CSMD1: variants seen among roughly 807,000 people sequenced by gnomAD.
CSMD1 encodes the protein CUB and sushi domain-containing protein 1.
Under a neutral mutation model 417.5 loss-of-function variants are expected in CSMD1, and 213 were observed. That is an observed-to-expected ratio of 0.51 (90% CI 0.46 to 0.57). The LOEUF is 0.57. Ranked by LOEUF, CSMD1 falls within the 20% of genes least tolerant of loss-of-function variation. The probability of loss-of-function intolerance (pLI) is 0.00; values close to 1 mark genes in which losing one functional copy is unlikely to be tolerated. For synonymous variants in CSMD1, 2,862 were observed against 1,736.8 expected (o/e 1.65, Z -16.11); for missense variants, 6,923 against 4,529.7 (o/e 1.53, Z -15.17).
intron 3 of CSMD1, among the ~76,000 whole-genome samples, chr8:4,350,175 C>G (rs1418705382): frequency 1.3e-5 from 2 of 152,076 alleles, no homozygotes; most frequent in African/African-American, 2.4e-5. Flanking sequence ...TGTTACAAGC[C>G]TTCTCTTCTT....
chr8:4,420,005 C>T lies in CSMD1; in HGVS notation c.363G>A (p.Trp121Ter). The stretch of plus-strand genomic sequence containing the variant: ...CACTCACAGCGAAGTCTGTCGTGAA[C>T]CACAGAGTGAGGATAGATCCTGTAC... ...IVSTGSILTL[W>*]FTTDFAVSAQ... Residue 121 changes from tryptophan (W) to a stop codon, truncating the protein, a stop_gained, in exon 3 of 70, where the codon TGG becomes TGA. Transcript: ENST00000635120. LOFTEE classifies it high-confidence loss of function. 1.3e-6 allele frequency: 2 copies of T among 1,589,010 alleles called. No homozygotes were observed. Among genetic ancestry groups the T allele is most frequent in the Non-Finnish European group, 8.6e-7 (1 of 1,166,706 alleles).
intron 5 of CSMD1, 26 bp from the exon 6 acceptor site, chr8:3,754,068 T>C (rs755530438): frequency 2.0e-6 from 3 of 1,518,590 alleles, no homozygotes; most frequent in Non-Finnish European, 2.7e-6. Context: ...AGGAAAAAAA[T>C]CTCCCTTGTA....
intron 3 of CSMD1, among the ~76,000 whole-genome samples, chr8:4,240,788 C>G (rs912336989): frequency 6.6e-6 from 1 of 152,170 alleles, no homozygotes; most frequent in Non-Finnish European, 1.5e-5. Context: ...AAAGTGACAG[C>G]CAAAAATATC....
At chr8:3,942,055 T>C (rs545531163) in intron 5 of CSMD1, among the ~76,000 whole-genome samples, 9 of 151,966 alleles carry the variant, frequency 5.9e-5, no homozygotes, top group Admixed American at 3.3e-4. Context: ...CTATTGTGAA[T>C]TGGGCATGCA....
chr8:4,143,956 G>A lies in CSMD1; in HGVS notation c.416-111857C>T, dbSNP rs1030280174. ...GCAGATGAAGGGATGGCCAGTGCTT[G>A]GCCCATAGCCAATCCAAGGCACTCT... On this transcript the variant is annotated intron_variant, in intron 3 of 69. Coordinates refer to ENST00000635120, the MANE Select transcript of CSMD1 (RefSeq NM_033225.6). 8.6e-5 allele frequency among the ~76,000 whole-genome samples: 13 copies of A among 151,284 alleles called. 1 individual carries two copies. The highest frequency in any genetic ancestry group is 3.2e-4 in the African/African-American group (13 of 40,594).
intron 1 of CSMD1, among the ~76,000 whole-genome samples, chr8:4,876,483 T>G (rs1479539730): frequency 6.6e-6 from 1 of 152,136 alleles, no homozygotes; most frequent in Non-Finnish European, 1.5e-5. Context: ...ACTTAGTTAT[T>G]GGAATTAGAT....
chr8:4,116,851 G>C (rs1011355079), intron 3 of CSMD1, among the ~76,000 whole-genome samples: 2 of 151,842 alleles, frequency 1.3e-5, no homozygotes, highest in African/African-American at 4.8e-5. Context: ...AAAGCACCTG[G>C]CATTTACTGT....
At chr8:3,578,065 T>C (rs1397689937) in intron 9 of CSMD1, among the ~76,000 whole-genome samples, 2 of 152,184 alleles carry the variant, frequency 1.3e-5, no homozygotes, top group Non-Finnish European at 2.9e-5. Context: ...TACATTAATT[T>C]CTCTGAATTT....
At chr8:4,153,956 A>G (rs1245703003) in intron 3 of CSMD1, among the ~76,000 whole-genome samples, 1 of 152,222 alleles carries the variant, frequency 6.6e-6, no homozygotes, top group East Asian at 1.9e-4. Context: ...TGTTTTCTGC[A>G]TTACTGACAG....
intron 37 of CSMD1, among the ~76,000 whole-genome samples, chr8:3,170,685 C>G (rs1032966176): frequency 6.6e-6 from 1 of 152,264 alleles, no homozygotes; most frequent in Middle Eastern, 3.4e-3. Flanking sequence ...TCATGCACAA[C>G]TGTAGGAAAT....
chr8:3,629,182 G>C lies in CSMD1; in HGVS notation c.1010-12385C>G, dbSNP rs549638554. 2.6e-5 allele frequency among the ~76,000 whole-genome samples: 4 copies of C among 152,258 alleles called. No individual in the cohort carries two copies. The East Asian group carries it at 5.8e-4, about 22-fold the overall frequency. On this transcript the variant is annotated intron_variant, in intron 7 of 69. Transcript: ENST00000635120. ...ATGTTCGCAGGACGCAGGGGAACTTGCTTGTAAAGGGGAACAGCTTCAACT... is the reference window on the plus strand; with the variant it reads ...ATGTTCGCAGGACGCAGGGGAACTTCCTTGTAAAGGGGAACAGCTTCAACT...
At chr8:3,752,699 A>C (rs1446039229) in intron 6 of CSMD1, among the ~76,000 whole-genome samples, 3 of 118,162 alleles carry the variant, frequency 2.5e-5, no homozygotes, top group Non-Finnish European at 5.4e-5. Context: ...AAAAAAAAAA[A>C]AAAAACATAT....
chr8:4,419,027 C>G (rs931181367), intron 3 of CSMD1, among the ~76,000 whole-genome samples: 2 of 152,172 alleles, frequency 1.3e-5, no homozygotes, highest in African/African-American at 2.4e-5. Context: ...TTGCACAAAC[C>G]ACGTGTATAT....
At chr8:4,902,261 C>G (rs1178791863) in intron 1 of CSMD1, among the ~76,000 whole-genome samples, 2 of 147,638 alleles carry the variant, frequency 1.4e-5, no homozygotes, top group Non-Finnish European at 1.5e-5. Flanking sequence ...GACAAAACAT[C>G]TCGCTCTATC....
At chr8:4,992,099 G>A (rs913386435) in intron 1 of CSMD1, among the ~76,000 whole-genome samples, 9 of 152,214 alleles carry the variant, frequency 5.9e-5, no homozygotes, top group African/African-American at 1.7e-4. Context: ...CAGCGCGCAA[G>A]AGGAGCTCTC....
chr8:3,342,614 T>C (rs994028832), intron 23 of CSMD1, among the ~76,000 whole-genome samples: 3 of 152,190 alleles, frequency 2.0e-5, no homozygotes, highest in African/African-American at 7.2e-5. Context: ...TCTCTTTTAT[T>C]TCCCTGTTCT....
intron 3 of CSMD1, among the ~76,000 whole-genome samples, chr8:4,325,687 G>A (rs1394474): frequency 2.6e-5 from 4 of 151,966 alleles, no homozygotes; most frequent in African/African-American, 7.3e-5. Context: ...GCCAGAAAGC[G>A]AGATGCAGGA....
chr8:4,238,142 G>C (rs141251256), intron 3 of CSMD1, among the ~76,000 whole-genome samples: 2 of 152,180 alleles, frequency 1.3e-5, no homozygotes, highest in South Asian at 2.1e-4. Flanking sequence ...AAAATGTCTG[G>C]TAAGTCCAGT....
Position 4,504,895 on chromosome 8 carries a change from G to C in CSMD1, c.303-84830C>G, listed in dbSNP as rs148986383. 8.3e-3 allele frequency among the ~76,000 whole-genome samples: 1,270 copies of C among 152,230 alleles called. 22 individuals carry two copies. Among genetic ancestry groups the C allele is most frequent in the African/African-American group, 0.029 (1,207 of 41,546 alleles). ...TCCAGTCTGTCATTGATGGGCATTT[G>C]GGTTGGTTCCAAGTCTTTGTTATTG... On this transcript the variant is annotated intron_variant, in intron 2 of 69. Coordinates refer to ENST00000635120, the MANE Select transcript of CSMD1 (RefSeq NM_033225.6).
Sources: allele counts gnomAD v4.1 joint callset (sites outside exome capture counted in the v4.1 genomes callset), GRCh38; gene constraint gnomAD v4.1.1; transcripts MANE v1.5; gene names NCBI Gene and HGNC (gene_info 2026-07-23, HGNC 2026-07-21).